The following TRIO variants were observed in gnomAD, a reference collection of about 807,000 sequenced individuals.
TRIO encodes the protein triple functional domain protein.
In TRIO, 58 loss-of-function variants were observed where a neutral mutation model predicts 351.9. The ratio of observed to expected loss-of-function variants is 0.16; its 90% CI spans 0.13 to 0.21. The LOEUF (loss-of-function observed/expected upper bound fraction) is 0.21, where lower values mean the gene tolerates loss of function less well. Among genes scored for constraint, TRIO ranks in the 10% least tolerant of loss-of-function variants. TRIO has a pLI of 1.00. For missense variants in TRIO, 3,201 were observed against 4,027.8 expected, an observed-to-expected ratio of 0.79 and a Z score of 5.56; for synonymous variants, 1,758 against 1,595.7, an observed-to-expected ratio of 1.10 and a Z score of -2.42.
intron 37 of TRIO, among the ~76,000 whole-genome samples, chr5:14,468,169 GT>G (rs1754412353): frequency 6.6e-6 from 1 of 152,198 alleles, no homozygotes; most frequent in Non-Finnish European, 1.5e-5. Flanking sequence ...CTGTGGCATG[GT>G]CAGTTTTGAC....
intron 9 of TRIO, among the ~76,000 whole-genome samples, chr5:14,325,935 C>T (rs967156887): frequency 6.6e-6 from 1 of 152,156 alleles, no homozygotes; most frequent in Non-Finnish European, 1.5e-5. Context: ...GTTGTGACAG[C>T]GTCATTTCCT....
chr5:14,151,965 A>G (rs1267524711), intron 1 of TRIO, among the ~76,000 whole-genome samples: 3 of 152,150 alleles, frequency 2.0e-5, no homozygotes, highest in Admixed American at 6.5e-5. Context: ...GTTTTAAATG[A>G]TAAGGACCGA....
chr5:14,310,134 G>C (rs1295191055), intron 8 of TRIO, among the ~76,000 whole-genome samples: 1 of 152,242 alleles, frequency 6.6e-6, no homozygotes, highest in Non-Finnish European at 1.5e-5. Context: ...TCACAAGAGA[G>C]TGAAGCAGTG....
chr5:14,265,636 A>G (rs1273991454), intron 1 of TRIO, among the ~76,000 whole-genome samples: 1 of 152,168 alleles, frequency 6.6e-6, no homozygotes, highest in Non-Finnish European at 1.5e-5. Flanking sequence ...ATTTAATGCC[A>G]CAGAAGTGAC....
chr5:14,162,500 T>A (rs2152121144), intron 1 of TRIO, among the ~76,000 whole-genome samples: 1 of 152,338 alleles, frequency 6.6e-6, no homozygotes, highest in Admixed American at 6.5e-5. Flanking sequence ...TTGAGTGAGA[T>A]CTAAAATGGG....
chr5:14,226,220 G>A lies in TRIO; in HGVS notation c.158-44605G>A, dbSNP rs192322457. ...TGGAAGATTCCAGTCCTCCCACTTA[G>A]GTTATTTGATGATGATGATGATGTT... is the stretch of plus-strand genomic sequence containing the variant. On this transcript the variant is annotated intron_variant, in intron 1 of 56. Transcript: ENST00000344204. 1.5e-3 allele frequency among the ~76,000 whole-genome samples: 234 copies of A among 152,306 alleles called. 4 individuals carry two copies. Among genetic ancestry groups the A allele is most frequent in the Non-Finnish European group, 9.3e-4 (63 of 68,034 alleles).
intron 1 of TRIO, among the ~76,000 whole-genome samples, chr5:14,259,469 A>G (rs1050369768): frequency 2.3e-4 from 35 of 152,188 alleles, no homozygotes; most frequent in African/African-American, 8.4e-4. Flanking sequence ...CCCTCTTTGT[A>G]ATTTCTTAAA....
chr5:14,287,344 C>T (rs1434141275), intron 4 of TRIO, among the ~76,000 whole-genome samples: 1 of 152,182 alleles, frequency 6.6e-6, no homozygotes, highest in Non-Finnish European at 1.5e-5. Context: ...TGCTGGCTGC[C>T]TTATATTTCA....
chr5:14,225,447 G>A (rs1193988497), intron 1 of TRIO, among the ~76,000 whole-genome samples: 1 of 152,172 alleles, frequency 6.6e-6, no homozygotes, highest in Non-Finnish European at 1.5e-5. Flanking sequence ...CATTGGGACT[G>A]CATTTCCATC....
intron 53 of TRIO, among the ~76,000 whole-genome samples, chr5:14,500,146 C>A (rs190538632): frequency 6.6e-6 from 1 of 151,982 alleles, no homozygotes; most frequent in Admixed American, 6.5e-5. Flanking sequence ...AATTCAGCTG[C>A]ACCCCTAAAG....
At position 14,474,117 on chromosome 5, in the gene TRIO, G is replaced by A; in HGVS notation, c.6083+20G>A. 1.2e-6 allele frequency: 2 copies of A among 1,601,956 alleles called. No individual in the cohort carries two copies. Among genetic ancestry groups the A allele is most frequent in the South Asian group, 1.1e-5 (1 of 90,544 alleles). ...CAGAGAGTACGTAAACATGCATTGT[G>A]CCCGATGGTGTGCAAAGCAGCCACA... is the stretch of plus-strand genomic sequence containing the variant. On this transcript the variant is annotated intron_variant, in intron 40 of 56. Coordinates refer to ENST00000344204, the MANE Select transcript of TRIO (RefSeq NM_007118.4).
At chr5:14,303,211 G>T (rs1333603559) in intron 7 of TRIO, among the ~76,000 whole-genome samples, 1 of 135,076 alleles carries the variant, frequency 7.4e-6, no homozygotes, top group Non-Finnish European at 1.7e-5. Context: ...GAGATGGGGG[G>T]TGTCAGTGGA....
At chr5:14,165,288 A>G (rs1261016416) in intron 1 of TRIO, among the ~76,000 whole-genome samples, 1 of 152,164 alleles carries the variant, frequency 6.6e-6, no homozygotes, top group African/African-American at 2.4e-5. Context: ...CTGGTAGTCC[A>G]CAGTGTCTAG....
chr5:14,473,347 A>G (rs1561531464), intron 39 of TRIO, among the ~76,000 whole-genome samples: 1 of 152,250 alleles, frequency 6.6e-6, no homozygotes, highest in African/African-American at 2.4e-5. Context: ...GTACAGGACA[A>G]TACTTTTTGG....
At position 14,485,064 on chromosome 5, in the gene TRIO, T is replaced by C. The variant is rs758752462; in HGVS notation, c.6658-5T>C. 6.5e-7 allele frequency: 1 copy of C among 1,531,416 alleles called. No individual in the cohort carries two copies. Among genetic ancestry groups the C allele is most frequent in the South Asian group, 1.3e-5 (1 of 79,526 alleles). The allele number at this position is 1,531,416 out of a possible 1,614,324, so 94.9% of individuals were successfully genotyped here. ...TATTATGAATAATGTTTTTTTTTTT[T>C]TAAGGTGAGTTGCCTTTGCCTGGAG... On this transcript the variant is annotated splice_polypyrimidine_tract_variant and splice_region_variant and intron_variant, in intron 46 of 56. Coordinates refer to ENST00000344204, the MANE Select transcript of TRIO (RefSeq NM_007118.4).
intron 44 of TRIO, 122 bp downstream of exon 44, chr5:14,481,406 T>A: frequency 6.8e-7 from 1 of 1,476,328 alleles, no homozygotes; most frequent in Non-Finnish European, 9.4e-7. Context: ...ACAGAGTCTC[T>A]CCAGTGCATC....
chr5:14,487,477 A>T lies in TRIO; in HGVS notation c.6849A>T (p.Pro2283=). 1 of 1,096,068 alleles carries T rather than the reference A, an allele frequency of 9.1e-7. No individual in the cohort carries two copies. The highest frequency in any genetic ancestry group is 1.7e-5 in the African/African-American group (1 of 59,854). The allele number at this position is 1,096,068 out of a possible 1,614,324, so 67.9% of individuals were successfully genotyped here. ...QRNFLNALTS[P]IEYQRNHSGG... ...CTTGTCTTACAGCCTTGACATCGCC[A>T]ATCGAGTACCAGAGGAACCACAGCG... Residue 2283 remains proline (P), a synonymous_variant, in exon 48 of 57, where the codon CCA becomes CCT. Transcript: ENST00000344204.
chr5:14,504,243 C>A, intron 54 of TRIO, 150 bp from the exon 55 acceptor site: 1 of 807,144 alleles, frequency 1.2e-6, no homozygotes, highest in Non-Finnish European at 1.9e-6. Context: ...ACAGCCATGG[C>A]ACCACAGCCC....
chr5:14,241,298 A>AT (rs1372941370), intron 1 of TRIO, among the ~76,000 whole-genome samples: 2 of 152,182 alleles, frequency 1.3e-5, no homozygotes, highest in Non-Finnish European at 2.9e-5. Flanking sequence ...CTGCCTGATG[A>AT]TTTCATAATA....
Sources: allele counts gnomAD v4.1 joint callset (sites outside exome capture counted in the v4.1 genomes callset), GRCh38; gene constraint gnomAD v4.1.1; transcripts MANE v1.5; gene names NCBI Gene and HGNC (gene_info 2026-07-23, HGNC 2026-07-21).